MECOM: variants seen among roughly 807,000 people sequenced by gnomAD.
MECOM encodes the protein histone-lysine N-methyltransferase MECOM.
MECOM carries 13 observed loss-of-function variants against 116.3 expected under a neutral mutation model. That is an observed-to-expected ratio of 0.11 (90% CI 0.07 to 0.18). The LOEUF (loss-of-function observed/expected upper bound fraction) is 0.18, where lower values mean the gene tolerates loss of function less well. Ranked by LOEUF, MECOM falls within the 10% of genes least tolerant of loss-of-function variation. The pLI, the probability that MECOM is intolerant of heterozygous loss-of-function variation, is 1.00. For missense variants in MECOM, 1,299 were observed against 1,509.0 expected (o/e 0.86, Z 2.31); for synonymous variants, 528 against 535.2 (o/e 0.99, Z 0.19).
intron 2 of MECOM, among the ~76,000 whole-genome samples, chr3:169,305,088 T>A (rs760241185): frequency 6.6e-6 from 1 of 152,246 alleles, no homozygotes. Context: ...TAGGTACTGA[T>A]AGGACTCAAT....
intron 2 of MECOM, among the ~76,000 whole-genome samples, chr3:169,360,319 C>CAAAAAAAAAAA: frequency 1.8e-4 from 16 of 87,848 alleles, no homozygotes; most frequent in East Asian, 7.5e-4. Flanking sequence ...AAAGTTACAC[C>CAAAAAAAAAAA]AAAAAAAAAA....
At chr3:169,508,516 T>TCACACA (rs34557610) in intron 1 of MECOM, among the ~76,000 whole-genome samples, 19 of 150,940 alleles carry the variant, frequency 1.3e-4, no homozygotes, top group African/African-American at 3.9e-4. Context: ...ACATACACAC[T>TCACACA]CACACACACA....
rs1729187137 is a variant in MECOM at position 169,116,456 on chromosome 3, G to A, written c.1416C>T (p.Ala472=). 6.8e-6 allele frequency: 11 copies of A among 1,614,110 alleles called. No homozygotes were observed. The East Asian group carries it at 2.5e-4, about 36-fold the overall frequency. ...AGGTAAGACCAGCAGGATGCCTATT[G>A]GCGCCAAAATAGTCAGCAAGGCCCG... ...ANPGLADYFG[A]NRHPAGLTFP... Residue 472 remains alanine (A), a synonymous_variant, in exon 8 of 17, where the codon GCC becomes GCT. Transcript: ENST00000651503.
chr3:169,499,676 C>T (rs1754296562), intron 1 of MECOM, among the ~76,000 whole-genome samples: 1 of 151,746 alleles, frequency 6.6e-6, no homozygotes, highest in South Asian at 2.1e-4. Context: ...ACAAAACATG[C>T]TGATATATCT....
chr3:169,150,494 C>T (rs1353411241), intron 2 of MECOM, among the ~76,000 whole-genome samples: 1 of 152,288 alleles, frequency 6.6e-6, no homozygotes, highest in East Asian at 1.9e-4. Context: ...TTTAGCACTG[C>T]CCTTGAAATG....
intron 1 of MECOM, among the ~76,000 whole-genome samples, chr3:169,617,643 T>C (rs1770177053): frequency 6.6e-6 from 1 of 152,240 alleles, no homozygotes; most frequent in Non-Finnish European, 1.5e-5. Context: ...AAACTTGGTC[T>C]GCGGTGCCTT....
intron 3 of MECOM, among the ~76,000 whole-genome samples, chr3:169,140,859 A>T (rs1737883377): frequency 6.6e-6 from 1 of 152,024 alleles, no homozygotes; most frequent in Non-Finnish European, 1.5e-5. Context: ...TATCAACTTT[A>T]CTTAAAAACC....
intron 1 of MECOM, among the ~76,000 whole-genome samples, chr3:169,528,568 T>G (rs1435140623): frequency 6.6e-6 from 1 of 152,256 alleles, no homozygotes; most frequent in African/African-American, 2.4e-5. Context: ...TCTCACATTC[T>G]TTCCATATTT....
intron 1 of MECOM, among the ~76,000 whole-genome samples, chr3:169,594,547 C>A (rs1470781740): frequency 6.6e-6 from 1 of 151,714 alleles, no homozygotes; most frequent in Non-Finnish European, 1.5e-5. Flanking sequence ...GGCTACAGTT[C>A]GACAACCACT....
At chr3:169,368,506 T>C (rs987971400) in intron 2 of MECOM, among the ~76,000 whole-genome samples, 5 of 152,018 alleles carry the variant, frequency 3.3e-5, no homozygotes, top group African/African-American at 7.2e-5. Flanking sequence ...TACCTACTTA[T>C]CATTATTGGA....
At chr3:169,186,433 G>T (rs1746784064) in intron 2 of MECOM, among the ~76,000 whole-genome samples, 1 of 148,502 alleles carries the variant, frequency 6.7e-6, no homozygotes, top group Admixed American at 6.7e-5. Flanking sequence ...AACTAATTTG[G>T]TTCCCATTTC....
At chr3:169,478,830 C>T (rs1433958452) in intron 1 of MECOM, among the ~76,000 whole-genome samples, 1 of 152,114 alleles carries the variant, frequency 6.6e-6, no homozygotes, top group African/African-American at 2.4e-5. Context: ...CATTTTTAAC[C>T]ATACTGGGTC....
chr3:169,242,325 T>G (rs571454620), intron 2 of MECOM, among the ~76,000 whole-genome samples: 1 of 152,290 alleles, frequency 6.6e-6, no homozygotes, highest in South Asian at 2.1e-4. Context: ...TTGAACAAGC[T>G]TTCTTTTAAC....
chr3:169,173,993 A>G (rs914189554), intron 2 of MECOM, among the ~76,000 whole-genome samples: 3 of 152,226 alleles, frequency 2.0e-5, no homozygotes, highest in African/African-American at 7.2e-5. Flanking sequence ...CCAAAGTTTT[A>G]GCTTATGAGC....
At chr3:169,455,847 A>G (rs1746384978) in intron 1 of MECOM, among the ~76,000 whole-genome samples, 1 of 152,170 alleles carries the variant, frequency 6.6e-6, no homozygotes, top group African/African-American at 2.4e-5. Context: ...TTTGTCCATC[A>G]TGAATGTTGC....
intron 2 of MECOM, among the ~76,000 whole-genome samples, chr3:169,267,502 C>A (rs1577526214): frequency 6.6e-6 from 1 of 152,218 alleles, no homozygotes. Flanking sequence ...CCCTTACTTG[C>A]TTCTAGCTTT....
chr3:169,466,193 C>T (rs1268718832), intron 1 of MECOM, among the ~76,000 whole-genome samples: 1 of 152,176 alleles, frequency 6.6e-6, no homozygotes, highest in Non-Finnish European at 1.5e-5. Flanking sequence ...CCTCTCAAAA[C>T]CCAAACACTG....
At chr3:169,473,964 C>T (rs548070169) in intron 1 of MECOM, among the ~76,000 whole-genome samples, 5 of 152,204 alleles carry the variant, frequency 3.3e-5, no homozygotes, top group Admixed American at 1.3e-4. Flanking sequence ...AGAATACGCT[C>T]GCATCTTTCC....
intron 2 of MECOM, among the ~76,000 whole-genome samples, chr3:169,159,673 T>G: frequency 6.6e-6 from 1 of 152,144 alleles, no homozygotes; most frequent in South Asian, 2.1e-4. Flanking sequence ...TAGAGACTCA[T>G]AAAGAAGTAC....
Sources: allele counts gnomAD v4.1 joint callset (sites outside exome capture counted in the v4.1 genomes callset), GRCh38; gene constraint gnomAD v4.1.1; transcripts MANE v1.5; gene names NCBI Gene and HGNC (gene_info 2026-07-23, HGNC 2026-07-21).